COG6: variants seen among roughly 807,000 people sequenced by gnomAD.
COG6 encodes conserved oligomeric Golgi complex subunit 6.
COG6 carries 74 observed loss-of-function variants against 88.8 expected under a neutral mutation model. The observed-to-expected ratio is 0.83, with a 90% CI of 0.69 to 1.01. COG6 has a LOEUF of 1.01. COG6 is among the 50% of genes least tolerant of loss of function. COG6 has a pLI of 0.00. For synonymous variants in COG6, 286 were observed against 278.7 expected, an observed-to-expected ratio of 1.03 and a Z score of -0.26; for missense variants, 800 against 797.9, an observed-to-expected ratio of 1.00 and a Z score of -0.03.
chr13:39,773,902 A>G (rs1376748074), intron 18 of COG6, among the ~76,000 whole-genome samples: 4 of 148,934 alleles, frequency 2.7e-5, no homozygotes, highest in Non-Finnish European at 4.4e-5. Flanking sequence ...TCATGTCTAA[A>G]TACTGACCAA....
chr13:39,763,238 G>A (rs1881076478), intron 18 of COG6, among the ~76,000 whole-genome samples: 2 of 151,420 alleles, frequency 1.3e-5, no homozygotes, highest in Admixed American at 6.6e-5. Context: ...TTAATTGTAA[G>A]CGTTATTTGT....
intron 18 of COG6, among the ~76,000 whole-genome samples, chr13:39,748,091 A>G (rs1289076106): frequency 2.6e-5 from 4 of 152,206 alleles, no homozygotes; most frequent in Non-Finnish European, 4.4e-5. Context: ...TGCTTTACAC[A>G]CTTCTCAGAA....
At chr13:39,767,785 G>A (rs562754828) in intron 18 of COG6, among the ~76,000 whole-genome samples, 22 of 152,302 alleles carry the variant, frequency 1.4e-4, no homozygotes, top group South Asian at 4.1e-4. Flanking sequence ...AATCTGCCAC[G>A]AAGGCAACTA....
chr13:39,786,091 TCTGA>T (rs2138193360), intron 18 of COG6, among the ~76,000 whole-genome samples: 1 of 152,260 alleles, frequency 6.6e-6, no homozygotes, highest in African/African-American at 2.4e-5. Flanking sequence ...ATAGGAGCAC[TCTGA>T]AATCCTAGGG....
At chr13:39,784,369 G>A (rs778529632) in intron 18 of COG6, among the ~76,000 whole-genome samples, 56 of 152,326 alleles carry the variant, frequency 3.7e-4, no homozygotes, top group Admixed American at 5.9e-4. Context: ...GAGACTTGGA[G>A]GAGACCACCA....
chr13:39,759,645 A>G (rs1432150977), intron 18 of COG6, among the ~76,000 whole-genome samples: 1 of 152,180 alleles, frequency 6.6e-6, no homozygotes, highest in Non-Finnish European at 1.5e-5. Context: ...TTTGGAAGAT[A>G]GATAATATAA....
At chr13:39,771,200 C>T (rs908300954) in intron 18 of COG6, among the ~76,000 whole-genome samples, 1 of 152,194 alleles carries the variant, frequency 6.6e-6, no homozygotes, top group African/African-American at 2.4e-5. Context: ...TTCCCAACAA[C>T]TTAAGGCCTG....
At chr13:39,790,060 C>T (rs982078578) in exon 19 of COG6, 2 of 152,180 alleles carry the variant, frequency 1.3e-5, no homozygotes, top group East Asian at 1.9e-4. Context: ...TATTGACTAA[C>T]CTTCACTTTG....
intron 13 of COG6, among the ~76,000 whole-genome samples, chr13:39,703,141 G>A (rs907220209): frequency 2.0e-5 from 3 of 152,066 alleles, no homozygotes; most frequent in African/African-American, 7.2e-5. Context: ...AGGAGGTCCA[G>A]CAAATACTGA....
At position 39,679,636 on chromosome 13, in the gene COG6, C is replaced by G. The variant is rs1008273736; in HGVS notation, c.623+16C>G. ...AAACGGCAGGGTGAGTAACTGCTCA[C>G]TGAACTAATTGCATTGCTGCTTATG... On this transcript the variant is annotated intron_variant, in intron 6 of 18. Transcript: ENST00000455146. 1 of 1,493,722 alleles carries G rather than the reference C, an allele frequency of 6.7e-7. No homozygotes were observed. Among genetic ancestry groups the G allele is most frequent in the Non-Finnish European group, 9.3e-7 (1 of 1,070,316 alleles). The allele number at this position is 1,493,722 out of a possible 1,614,324, so 92.5% of individuals were successfully genotyped here. A position where few individuals can be genotyped will look rare whatever the true frequency, so the allele number is the denominator to read the frequency against.
chr13:39,723,185 A>G, intron 15 of COG6, 148 bp from the exon 16 acceptor site: 2 of 624,718 alleles, frequency 3.2e-6, no homozygotes, highest in East Asian at 2.8e-5. Flanking sequence ...TCCCCCTTTC[A>G]TAGAAAGACT....
chr13:39,740,662 AC>A (rs1273577137), intron 18 of COG6, among the ~76,000 whole-genome samples: 1 of 152,180 alleles, frequency 6.6e-6, no homozygotes. Flanking sequence ...GATAGATGAC[AC>A]TTATCTGAAA....
intron 18 of COG6, among the ~76,000 whole-genome samples, chr13:39,730,772 T>TAA (rs1879393514): frequency 2.4e-4 from 1 of 4,130 alleles, no homozygotes; most frequent in African/African-American, 8.3e-4. Context: ...AGACTCCATC[T>TAA]CAAAAAAAAA....
intron 18 of COG6, among the ~76,000 whole-genome samples, chr13:39,740,330 T>C (rs1879979817): frequency 6.6e-6 from 1 of 152,142 alleles, no homozygotes; most frequent in African/African-American, 2.4e-5. Context: ...CCTCTGAACT[T>C]TTCCATTTTC....
chr13:39,656,824 A>C (rs1874540942), intron 1 of COG6: 1 of 455,912 alleles, frequency 2.2e-6, no homozygotes, highest in Non-Finnish European at 4.4e-6. Context: ...GCTTCTGTTT[A>C]GGAATTAGGA....
At chr13:39,706,268 T>TATATATATATATATATATTTAA in intron 13 of COG6, among the ~76,000 whole-genome samples, 1 of 143,616 alleles carries the variant, frequency 7.0e-6, no homozygotes, top group Non-Finnish European at 1.5e-5. Flanking sequence ...TATATATATA[T>TATATATATATATATATATTTAA]ATATATATAT....
chr13:39,704,711 G>A (rs1385688403), intron 13 of COG6, among the ~76,000 whole-genome samples: 4 of 152,066 alleles, frequency 2.6e-5, no homozygotes, highest in African/African-American at 9.7e-5. Context: ...TTAAAACTTT[G>A]AACAGAATAG....
intron 18 of COG6, among the ~76,000 whole-genome samples, chr13:39,735,718 T>G (rs1593461890): frequency 8.2e-6 from 1 of 121,836 alleles, no homozygotes; most frequent in African/African-American, 3.0e-5. Context: ...TTTTTTTTTT[T>G]TTTTTTTGGT....
At chr13:39,717,354 T>C (rs1878581239) in intron 13 of COG6, among the ~76,000 whole-genome samples, 1 of 152,178 alleles carries the variant, frequency 6.6e-6, no homozygotes, top group African/African-American at 2.4e-5. Context: ...TTAATGTTTT[T>C]TAAAGTCAAA....
Sources: gnomAD v4.1 joint callset for allele counts (sites outside exome capture counted in the v4.1 genomes callset) on GRCh38, gnomAD v4.1.1 for gene constraint, MANE v1.5 for transcripts, NCBI Gene and HGNC (gene_info 2026-07-23, HGNC 2026-07-21) for gene names.